Variants in SAMD3 observed in about 807,000 individuals in gnomAD.
The protein encoded by SAMD3 is sterile alpha motif domain-containing protein 3.
Under a neutral mutation model 58.5 loss-of-function variants are expected in SAMD3, and 63 were observed. The ratio of observed to expected loss-of-function variants is 1.08; its 90% CI spans 0.88 to 1.33. The LOEUF (loss-of-function observed/expected upper bound fraction) is 1.33, where lower values mean the gene tolerates loss of function less well. Ranked by LOEUF, SAMD3 falls within the 40% of genes most tolerant of loss-of-function variation. The pLI is 0.00. For synonymous variants in SAMD3, 220 were observed against 210.3 expected, an observed-to-expected ratio of 1.05 and a Z score of -0.40; for missense variants, 604 against 608.4, an observed-to-expected ratio of 0.99 and a Z score of 0.08.
At chr6:130,232,913 G>A (rs1379581196) in intron 2 of SAMD3, among the ~76,000 whole-genome samples, 4 of 152,202 alleles carry the variant, frequency 2.6e-5, no homozygotes, top group Non-Finnish European at 5.9e-5. Flanking sequence ...CCAGTAGGAA[G>A]ATAAAGAGAG....
At chr6:130,347,912 G>A (rs575602978) in intron 1 of SAMD3, among the ~76,000 whole-genome samples, 2 of 152,226 alleles carry the variant, frequency 1.3e-5, no homozygotes, top group African/African-American at 2.4e-5. Flanking sequence ...AAGAGAGTGG[G>A]GGCCAATATT....
intron 1 of SAMD3, among the ~76,000 whole-genome samples, chr6:130,336,792 C>T (rs1283019529): frequency 1.3e-5 from 2 of 152,166 alleles, no homozygotes; most frequent in African/African-American, 2.4e-5. Flanking sequence ...TCTTTTTCAA[C>T]CCTTCCATTC....
intron 2 of SAMD3, among the ~76,000 whole-genome samples, chr6:130,246,782 G>A (rs533730255): frequency 5.3e-5 from 8 of 152,222 alleles, no homozygotes; most frequent in African/African-American, 1.7e-4. Context: ...CCAGCTACTT[G>A]GGTGGCTAAG....
chr6:130,337,435 G>A (rs1297335890), intron 1 of SAMD3, among the ~76,000 whole-genome samples: 1 of 152,132 alleles, frequency 6.6e-6, no homozygotes, highest in Non-Finnish European at 1.5e-5. Flanking sequence ...CCAGTCGTAG[G>A]CAGTTCTTTA....
chr6:130,306,846 G>A (rs1036956480), intron 2 of SAMD3, among the ~76,000 whole-genome samples: 8 of 152,066 alleles, frequency 5.3e-5, no homozygotes, highest in African/African-American at 1.9e-4. Flanking sequence ...ATTAATATTT[G>A]CCAGAACCAA....
chr6:130,183,987 AG>A, intron 7 of SAMD3, 115 bp downstream of exon 7: 1 of 713,822 alleles, frequency 1.4e-6, no homozygotes, highest in Admixed American at 2.2e-5. Flanking sequence ...ACAGAATGAG[AG>A]AGAGAGAGAG....
At position 130,320,422 on chromosome 6, in the gene SAMD3, G is replaced by A. The variant is rs536803222; in HGVS notation, c.-303-7329C>T. ...GTTGGGGGAGAATGTGGAGCAACTG[G>A]AATTCTCACACATTGAATGGTGGGA... is the stretch of plus-strand genomic sequence containing the variant. On this transcript the variant is annotated intron_variant, in intron 1 of 13. Transcript: ENST00000368134. Among the ~76,000 whole-genome samples the A allele has an allele frequency of 5.9e-5, 9 of 152,280 alleles. No homozygotes were observed. The South Asian group carries it at 1.9e-3, about 32-fold the overall frequency.
At chr6:130,258,548 T>A (rs1242736605) in intron 2 of SAMD3, among the ~76,000 whole-genome samples, 1 of 152,164 alleles carries the variant, frequency 6.6e-6, no homozygotes, top group Non-Finnish European at 1.5e-5. Context: ...ATTTGATAAG[T>A]TTTGACATAT....
intron 1 of SAMD3, among the ~76,000 whole-genome samples, chr6:130,356,199 C>CTACTTA: frequency 6.6e-6 from 1 of 152,156 alleles, no homozygotes; most frequent in East Asian, 1.9e-4. Context: ...AGGTCTCTGA[C>CTACTTA]TCCTTATCCT....
chr6:130,275,272 TG>T (rs1381366492), intron 2 of SAMD3, among the ~76,000 whole-genome samples: 1 of 152,200 alleles, frequency 6.6e-6, no homozygotes, highest in African/African-American at 2.4e-5. Context: ...TGATTTATTT[TG>T]CTTCTTGAAT....
intron 2 of SAMD3, among the ~76,000 whole-genome samples, chr6:130,257,672 A>G (rs1009706562): frequency 3.3e-5 from 5 of 152,174 alleles, no homozygotes; most frequent in Admixed American, 2.6e-4. Flanking sequence ...GAAAAATCTT[A>G]TTGACAAGCA....
In SAMD3 at chr6:130,293,507, TA is replaced by T. The variant is rs1245056577; in HGVS notation, c.-188+19470del. On this transcript the variant is annotated intron_variant, in intron 2 of 13. Coordinates refer to the SAMD3 transcript ENST00000368134. ...TAAAATATTACTCTCTTACACAGAT[TA>T]CCACCTTTTTGTGACCATGTTTTTT... Among the ~76,000 whole-genome samples, 12 of 152,000 alleles carry T rather than the reference TA, an allele frequency of 7.9e-5. No homozygotes were observed. In the East Asian group the frequency reaches 2.1e-3, roughly 27 times the overall value.
At position 130,342,365 on chromosome 6, in the gene SAMD3, T is replaced by C. The variant is rs146324095; in HGVS notation, c.-304+22755A>G. On this transcript the variant is annotated intron_variant, in intron 1 of 13. Coordinates refer to the SAMD3 transcript ENST00000368134. ...AACTGAGCAGGAGCTTTTTGGAAAA[T>C]TAATGTGAAAATATAAAAATGTAAT... Among the ~76,000 whole-genome samples, 217 of 152,272 alleles carry C rather than the reference T, an allele frequency of 1.4e-3. 2 individuals are homozygous for C. Among genetic ancestry groups the C allele is most frequent in the African/African-American group, 4.4e-3 (185 of 41,576 alleles).
intron 2 of SAMD3, chr6:130,286,099 A>C (rs1775143540): frequency 6.6e-6 from 1 of 152,242 alleles, no homozygotes; most frequent in South Asian, 2.1e-4. Context: ...AGGTTTATGA[A>C]CTGAAATAAT....
chr6:130,289,413 C>T (rs940303905), intron 2 of SAMD3, among the ~76,000 whole-genome samples: 2 of 152,122 alleles, frequency 1.3e-5, no homozygotes, highest in Admixed American at 1.3e-4. Flanking sequence ...ACTGTCAATC[C>T]AGTGTTCTCC....
chr6:130,195,793 C>T (rs898040729), intron 5 of SAMD3, among the ~76,000 whole-genome samples: 3 of 152,188 alleles, frequency 2.0e-5, no homozygotes, highest in Admixed American at 6.5e-5. Context: ...TAAAAACACA[C>T]GTGCTCTCCC....
At chr6:130,197,971 C>A (rs546481540) in intron 5 of SAMD3, among the ~76,000 whole-genome samples, 5 of 152,100 alleles carry the variant, frequency 3.3e-5, no homozygotes, top group Admixed American at 2.0e-4. Flanking sequence ...CATTGTCTTG[C>A]GAAATTCCTC....
downstream of SAMD3, among the ~76,000 whole-genome samples, chr6:130,143,530 C>T (rs1788379609): frequency 6.6e-6 from 1 of 152,112 alleles, no homozygotes. Flanking sequence ...AGGTGTGAGC[C>T]ACCGTGCCCG....
chr6:130,194,002 C>T (rs941657147), intron 5 of SAMD3, among the ~76,000 whole-genome samples: 10 of 152,082 alleles, frequency 6.6e-5, no homozygotes, highest in African/African-American at 2.2e-4. Flanking sequence ...CTCCCCTCCT[C>T]CCCAGGCTGC....
Sources: allele counts gnomAD v4.1 joint callset (sites outside exome capture counted in the v4.1 genomes callset), GRCh38; gene constraint gnomAD v4.1.1; transcripts MANE v1.5; gene names NCBI Gene and HGNC (gene_info 2026-07-23, HGNC 2026-07-21).